The following PRKAG2 variants were observed in gnomAD, a reference collection of about 807,000 sequenced individuals.
PRKAG2 encodes 5'-AMP-activated protein kinase subunit gamma-2.
PRKAG2 carries 26 observed loss-of-function variants against 69.6 expected under a neutral mutation model. The observed-to-expected ratio is 0.37, with a 90% confidence interval of 0.27 to 0.52. The LOEUF (loss-of-function observed/expected upper bound fraction) is 0.52. Among genes scored for constraint, PRKAG2 ranks in the 20% least tolerant of loss-of-function variants. The probability of loss-of-function intolerance (pLI) is 0.90; values close to 1 mark genes in which losing one functional copy is unlikely to be tolerated. For synonymous variants in PRKAG2, 293 were observed against 285.0 expected, an observed-to-expected ratio of 1.03 and a Z score of -0.28; for missense variants, 557 against 740.0, an observed-to-expected ratio of 0.75 and a Z score of 2.87.
chr7:151,700,763 T>C (rs1034062518), intron 3 of PRKAG2, among the ~76,000 whole-genome samples: 3 of 149,372 alleles, frequency 2.0e-5, no homozygotes, highest in African/African-American at 7.3e-5. Flanking sequence ...TCCCCTTATG[T>C]GGCCAGGCCA....
chr7:151,706,420 C>A (rs982022438), intron 3 of PRKAG2, among the ~76,000 whole-genome samples: 61 of 152,234 alleles, frequency 4.0e-4, no homozygotes, highest in African/African-American at 1.2e-3. Flanking sequence ...ACATCCAACT[C>A]ATCTCCCAGA....
chr7:151,631,861 C>A (rs987053811), intron 5 of PRKAG2: 2 of 499,372 alleles, frequency 4.0e-6, no homozygotes, highest in Non-Finnish European at 7.4e-6. Flanking sequence ...TGGCTCGCGT[C>A]CCCTCCGCGG....
rs146674710 is a variant in PRKAG2, at chr7:151,786,626, C to T, written c.115-85G>A. 643 of 1,094,230 alleles carry T rather than the reference C, an allele frequency of 5.9e-4. 3 individuals are homozygous for T. The African/African-American group carries it at 8.6e-3, about 15-fold the overall frequency. 67.8% of individuals were successfully genotyped at this position (1,094,230 alleles called of 1,614,324 possible). ...GGAACTCTACGTGGGTGTCACCTCC[C>T]CCTTCCTGAGACCTTATCCTTCAAA... On this transcript the variant is annotated intron_variant, in intron 1 of 15. Coordinates refer to ENST00000287878, the MANE Select transcript of PRKAG2 (RefSeq NM_016203.4).
At chr7:151,600,656 T>A (rs577981312) in intron 5 of PRKAG2, among the ~76,000 whole-genome samples, 2 of 152,338 alleles carry the variant, frequency 1.3e-5, no homozygotes, top group Admixed American at 6.5e-5. Flanking sequence ...CGCAGCCTTA[T>A]TTCCCAGCTC....
intron 5 of PRKAG2, among the ~76,000 whole-genome samples, chr7:151,600,363 T>C (rs1291680384): frequency 1.3e-5 from 2 of 152,348 alleles, no homozygotes; most frequent in African/African-American, 4.8e-5. Flanking sequence ...AAACAAGTGA[T>C]ACTAACCAAG....
At chr7:151,597,828 C>CA (rs1037680094) in intron 5 of PRKAG2, among the ~76,000 whole-genome samples, 1 of 149,774 alleles carries the variant, frequency 6.7e-6, no homozygotes, top group African/African-American at 2.4e-5. Context: ...GAGCCCCCCC[C>CA]CCCGCTCTTT....
At chr7:151,732,869 T>G (rs1799188858) in intron 3 of PRKAG2, among the ~76,000 whole-genome samples, 2 of 152,234 alleles carry the variant, frequency 1.3e-5, no homozygotes, top group South Asian at 4.2e-4. Flanking sequence ...ATTTTTGCAT[T>G]TTTAGTAGAG....
At chr7:151,761,039 C>T (rs1265172704) in intron 3 of PRKAG2, among the ~76,000 whole-genome samples, 3 of 152,180 alleles carry the variant, frequency 2.0e-5, no homozygotes, top group African/African-American at 7.2e-5. Flanking sequence ...GTCAGCTTAG[C>T]GAAACTGCCT....
At chr7:151,585,718 G>A (rs1811486626) in intron 6 of PRKAG2, among the ~76,000 whole-genome samples, 1 of 152,202 alleles carries the variant, frequency 6.6e-6, no homozygotes, top group African/African-American at 2.4e-5. Flanking sequence ...TGCCATCAAT[G>A]AAATCAATAT....
intron 4 of PRKAG2, among the ~76,000 whole-genome samples, chr7:151,674,765 T>TC (rs1045390394): frequency 2.6e-5 from 4 of 151,480 alleles, no homozygotes; most frequent in African/African-American, 4.9e-5. Flanking sequence ...GTTTTACTTT[T>TC]TTTTTTTGCT....
chr7:151,775,295 C>G (rs2076287120), intron 3 of PRKAG2, among the ~76,000 whole-genome samples: 1 of 152,052 alleles, frequency 6.6e-6, no homozygotes, highest in Non-Finnish European at 1.5e-5. Context: ...TTCAGGGATC[C>G]TAACTGGGCT....
At chr7:151,571,163 C>T (rs1807470411) in intron 9 of PRKAG2, among the ~76,000 whole-genome samples, 1 of 151,788 alleles carries the variant, frequency 6.6e-6, no homozygotes, top group Non-Finnish European at 1.5e-5. Context: ...CCTCTGCCTC[C>T]CAGGCCCAGG....
In PRKAG2 at chr7:151,807,387, C is replaced by T. The variant is rs1466620580; in HGVS notation, c.115-20846G>A. On this transcript the variant is annotated intron_variant, in intron 1 of 15. Coordinates refer to ENST00000287878, the MANE Select transcript of PRKAG2 (RefSeq NM_016203.4). The surrounding 1 kb of genome is among the most constrained non-coding windows in gnomAD (Gnocchi z 4.4). ...TTTCATGCAGCGGGAGTGGAATTTTCAGGAAGCAGCTGTGCTGTGGGTGAC... is the reference window on the plus strand; with the variant it reads ...TTTCATGCAGCGGGAGTGGAATTTTTAGGAAGCAGCTGTGCTGTGGGTGAC... The T allele has an allele frequency of 6.6e-6, 3 of 455,938 alleles. No individual in the cohort carries two copies. The highest frequency in any genetic ancestry group is 1.3e-5 in the Non-Finnish European group (3 of 225,450). 28.2% of individuals were successfully genotyped at this position (455,938 alleles called of 1,614,324 possible). A position where few individuals can be genotyped will look rare whatever the true frequency, so the allele number is the denominator to read the frequency against.
In PRKAG2 at chr7:151,828,126, C is replaced by T. The variant is rs1176962162; in HGVS notation, c.115-41585G>A. ...GCAAGCACACAGCAAACGCCTGCTA[C>T]CCAGGGGAGCCCCGACCCCAGGCTG... On this transcript the variant is annotated intron_variant, in intron 1 of 15. Transcript: ENST00000287878. The surrounding 1 kb of genome is among the most constrained non-coding windows in gnomAD (Gnocchi z 4.6). Among the ~76,000 whole-genome samples, 1 of 152,232 alleles carries T rather than the reference C, an allele frequency of 6.6e-6. No homozygotes were observed. Among genetic ancestry groups the T allele is most frequent in the Non-Finnish European group, 1.5e-5 (1 of 68,036 alleles).
chr7:151,558,671 T>A, intron 15 of PRKAG2: 1 of 983,356 alleles, frequency 1.0e-6, no homozygotes, highest in South Asian at 4.7e-5. Context: ...CAACAAATCG[T>A]GTTGTATACA....
chr7:151,688,042 G>GCCCCCA lies in PRKAG2; in HGVS notation c.467-12406_467-12405insTGGGGG, dbSNP rs71198727. On this transcript the variant is annotated intron_variant, in intron 3 of 15. Coordinates refer to ENST00000287878, the MANE Select transcript of PRKAG2 (RefSeq NM_016203.4). ...AGGAGGAGGAGGAGGAGGAAATGAG[G>GCCCCCA]CCCCCCCCCGGGCTCCTTGCTGAGT... is the stretch of plus-strand genomic sequence containing the variant. Among the ~76,000 whole-genome samples the GCCCCCA allele has an allele frequency of 1.4e-3, 154 of 107,066 alleles. 17 individuals are homozygous for GCCCCCA. Among genetic ancestry groups the GCCCCCA allele is most frequent in the East Asian group, 9.5e-3 (33 of 3,468 alleles). 70.2% of individuals were successfully genotyped at this position (107,066 alleles called of 152,430 possible).
intron 10 of PRKAG2, 72 bp from the exon 11 acceptor site, chr7:151,568,914 T>A: frequency 1.3e-6 from 2 of 1,527,986 alleles, no homozygotes; most frequent in Non-Finnish European, 1.8e-6. Flanking sequence ...TACCCCTGCC[T>A]TAAAGCACTT....
intron 3 of PRKAG2, among the ~76,000 whole-genome samples, chr7:151,709,927 G>A (rs1839296890): frequency 6.6e-6 from 1 of 152,206 alleles, no homozygotes; most frequent in Admixed American, 6.5e-5. Flanking sequence ...GTGACACTGA[G>A]TGACGTGTGA....
intron 3 of PRKAG2, among the ~76,000 whole-genome samples, chr7:151,759,002 A>T (rs2075262426): frequency 6.6e-6 from 1 of 152,182 alleles, no homozygotes; most frequent in African/African-American, 2.4e-5. Flanking sequence ...ACTGCACAGT[A>T]GCCAGACATC....
Sources: gnomAD v4.1 joint callset for allele counts (sites outside exome capture counted in the v4.1 genomes callset) on GRCh38, gnomAD v4.1.1 for gene constraint, Gnocchi (gnomAD v3.1) non-coding constraint, MANE v1.5 for transcripts, NCBI Gene and HGNC (gene_info 2026-07-23, HGNC 2026-07-21) for gene names.